FAM107A: variants seen among roughly 807,000 people sequenced by gnomAD.
FAM107A encodes the protein family with sequence similarity 107 member A, also known as actin-associated protein FAM107A.
In FAM107A, 19 loss-of-function variants were observed where a neutral mutation model predicts 13.7. The observed-to-expected ratio is 1.38, with a 90% confidence interval of 0.97 to 2.03. FAM107A has a LOEUF of 2.03. Among genes scored for constraint, FAM107A ranks in the 30% most tolerant of loss-of-function variants. FAM107A has a pLI of 0.00. For synonymous variants in FAM107A, 82 were observed against 74.5 expected, an observed-to-expected ratio of 1.10 and a Z score of -0.52; for missense variants, 203 against 184.4, an observed-to-expected ratio of 1.10 and a Z score of -0.58.
At chr3:58,601,071 A>G (rs935564665) in intron 1 of FAM107A, among the ~76,000 whole-genome samples, 1 of 152,180 alleles carries the variant, frequency 6.6e-6, no homozygotes, top group Non-Finnish European at 1.5e-5. Context: ...CTGGCACATA[A>G]TTGGTACTCA....
At chr3:58,587,050 C>T in exon 1 of FAM107A, 1 of 1,371,956 alleles carries the variant, frequency 7.3e-7, no homozygotes, top group Non-Finnish European at 9.4e-7. Context: ...AAGTCCCAAA[C>T]CCCGCTGAGG....
Position 58,569,754 on chromosome 3 carries a change from T to C in FAM107A, c.107A>G (p.Asn36Ser). 1 of 1,613,822 alleles carries C rather than the reference T, an allele frequency of 6.2e-7. No homozygotes were observed. Among genetic ancestry groups the C allele is most frequent in the South Asian group, 1.1e-5 (1 of 91,022 alleles). ...PELIKPKKLL[N>S]PVKASRSHQE... The stretch of plus-strand genomic sequence containing the variant: ...GTGACTCCGAGAGGCCTTCACGGGG[T>C]TCAGCAGCTTCTTGGGCTTGATGAG... Residue 36 changes from asparagine to serine, a missense_variant, in exon 2 of 4, where the codon AAC becomes AGC. Transcript: ENST00000360997. This position sits in a 1 kb window ranked among gnomAD's most constrained non-coding sequence, Gnocchi z 5.7.
At chr3:58,589,915 G>GT (rs1371810606), upstream of FAM107A, among the ~76,000 whole-genome samples, 1 of 152,112 alleles carries the variant, frequency 6.6e-6, no homozygotes, top group Non-Finnish European at 1.5e-5. Context: ...TGTTCCTTTG[G>GT]CCTGGACTGC....
chr3:58,620,340 T>C (rs2065942105), intron 1 of FAM107A, among the ~76,000 whole-genome samples: 1 of 152,188 alleles, frequency 6.6e-6, no homozygotes, highest in Admixed American at 6.5e-5. Flanking sequence ...CCACCCCTGG[T>C]AATCCTACAG....
intron 1 of FAM107A, among the ~76,000 whole-genome samples, chr3:58,593,013 A>G (rs2065666707): frequency 6.6e-6 from 1 of 152,072 alleles, no homozygotes. Context: ...GTTCTTAAGA[A>G]TCTGACCCCT....
At chr3:58,568,172 C>T (rs1038641769) in intron 2 of FAM107A, among the ~76,000 whole-genome samples, 4 of 152,094 alleles carry the variant, frequency 2.6e-5, no homozygotes, top group Non-Finnish European at 4.4e-5. Context: ...CAGTGGCTCA[C>T]GCCTGTAATC....
intron 1 of FAM107A, among the ~76,000 whole-genome samples, chr3:58,608,230 G>C (rs1277223697): frequency 6.6e-6 from 1 of 152,122 alleles, no homozygotes; most frequent in Non-Finnish European, 1.5e-5. Flanking sequence ...GCACAGAGTA[G>C]GTGCTCAATA....
Position 58,610,989 on chromosome 3 carries a change from T to C in FAM107A, c.-70+16427A>G, listed in dbSNP as rs370835794. On this transcript the variant is annotated intron_variant, in intron 1 of 3. Transcript: ENST00000465970. ...ATTGGATCATGGGGGCTGTTACCCC[T>C]ATGCTGTTCTCATGATAGTGAGTGA... Among the ~76,000 whole-genome samples the C allele has an allele frequency of 2.3e-3, 356 of 152,306 alleles. 4 individuals are homozygous for C. The highest frequency in any genetic ancestry group is 8.0e-3 in the African/African-American group (334 of 41,576).
At chr3:58,616,692 C>T (rs1437893846) in intron 1 of FAM107A, among the ~76,000 whole-genome samples, 1 of 152,148 alleles carries the variant, frequency 6.6e-6, no homozygotes, top group East Asian at 1.9e-4. Flanking sequence ...TGAGAGCCTT[C>T]TGAGGAGCAC....
At chr3:58,583,004 G>T (rs962906097) in intron 1 of FAM107A, among the ~76,000 whole-genome samples, 2 of 152,064 alleles carry the variant, frequency 1.3e-5, no homozygotes, top group African/African-American at 4.8e-5. Flanking sequence ...TCACTATGTT[G>T]GCCAGGCTGG....
chr3:58,593,291 C>A (rs1465140242), intron 1 of FAM107A, among the ~76,000 whole-genome samples: 1 of 152,178 alleles, frequency 6.6e-6, no homozygotes. Flanking sequence ...TTCGTCCTTA[C>A]CCTACTTTTT....
chr3:58,570,901 C>T (rs777505910), intron 1 of FAM107A, among the ~76,000 whole-genome samples: 13 of 152,198 alleles, frequency 8.5e-5, no homozygotes, highest in South Asian at 2.1e-4. Flanking sequence ...AACCAGTGCC[C>T]GGTGGCATGT....
At chr3:58,588,644 T>C (rs908589554), upstream of FAM107A, among the ~76,000 whole-genome samples, 1 of 152,214 alleles carries the variant, frequency 6.6e-6, no homozygotes, top group Non-Finnish European at 1.5e-5. Flanking sequence ...AGGATGAAAT[T>C]ATATCCAATT....
rs748980396 is a variant in FAM107A, at chr3:58,569,749, CG to C, written c.111del (p.Val38Ter). 1 of 1,614,034 alleles carries C rather than the reference CG, an allele frequency of 6.2e-7. No homozygotes were observed. Among genetic ancestry groups the C allele is most frequent in the East Asian group, 2.2e-5 (1 of 44,892 alleles). On this transcript the variant is annotated frameshift_variant, in exon 2 of 4. Transcript: ENST00000360997. LOFTEE classifies it high-confidence loss of function. This position sits in a 1 kb window ranked among gnomAD's most constrained non-coding sequence, Gnocchi z 5.7. ...TCCTGGTGACTCCGAGAGGCCTTCA[CG>C]GGGTTCAGCAGCTTCTTGGGCTTGA... ...ELIKPKKLLN[P>X]VKASRSHQEL...
chr3:58,566,863 TCTC>T, intron 3 of FAM107A, 168 bp from the exon 4 acceptor site: 1 of 623,654 alleles, frequency 1.6e-6, no homozygotes, highest in Non-Finnish European at 2.8e-6. Context: ...GAGACTGAGT[TCTC>T]CTTGTGCAGC....
chr3:58,587,195 A>G (rs1278705677), upstream of FAM107A: 2 of 1,064,734 alleles, frequency 1.9e-6, no homozygotes, highest in Admixed American at 4.3e-5. Flanking sequence ...GAGGACTCCT[A>G]GCCCCGAGGT....
At chr3:58,576,555 G>A (rs1370569735) in intron 1 of FAM107A, among the ~76,000 whole-genome samples, 1 of 152,238 alleles carries the variant, frequency 6.6e-6, no homozygotes, top group African/African-American at 2.4e-5. Flanking sequence ...ACCCAGAGAT[G>A]CAGGCGTGGG....
At chr3:58,597,341 A>G (rs544592286) in intron 1 of FAM107A, among the ~76,000 whole-genome samples, 163 of 152,236 alleles carry the variant, frequency 1.1e-3, no homozygotes, top group Non-Finnish European at 2.0e-3. Flanking sequence ...GGACACATTC[A>G]GGTCACTCCC....
At chr3:58,607,819 G>A (rs1361555033) in intron 1 of FAM107A, 1 of 152,180 alleles carries the variant, frequency 6.6e-6, no homozygotes. Context: ...CAACTGCAAG[G>A]AAATAAATTC....
Sources: gnomAD v4.1 joint callset for allele counts (sites outside exome capture counted in the v4.1 genomes callset) on GRCh38, gnomAD v4.1.1 for gene constraint, Gnocchi (gnomAD v3.1) non-coding constraint, MANE v1.5 for transcripts, NCBI Gene and HGNC (gene_info 2026-07-23, HGNC 2026-07-21) for gene names.